The following KIN variants were observed in gnomAD, a reference collection of about 807,000 sequenced individuals.
KIN encodes DNA/RNA-binding protein KIN17.
Under a neutral mutation model 63.0 loss-of-function variants are expected in KIN, and 47 were observed. The observed-to-expected ratio is 0.75, with a 90% confidence interval of 0.59 to 0.95. KIN has a LOEUF of 0.95. Ranked by LOEUF, KIN falls within the 40% of genes least tolerant of loss-of-function variation. The pLI, the probability that KIN is intolerant of heterozygous loss-of-function variation, is 0.00. For missense variants in KIN, 408 were observed against 460.9 expected, an observed-to-expected ratio of 0.89 and a Z score of 1.05; for synonymous variants, 160 against 157.7, an observed-to-expected ratio of 1.01 and a Z score of -0.11.
intron 9 of KIN, 21 bp from the exon 10 acceptor site, chr10:7,763,812 A>C: frequency 8.8e-7 from 1 of 1,134,260 alleles, no homozygotes; most frequent in Non-Finnish European, 1.3e-6. Context: ...ATAACAAAAA[A>C]AATGAAAGGA....
At chr10:7,774,328 G>C (rs549480252) in intron 7 of KIN, among the ~76,000 whole-genome samples, 47 of 152,212 alleles carry the variant, frequency 3.1e-4, no homozygotes, top group African/African-American at 1.1e-3. Flanking sequence ...GCAAGTAAAA[G>C]AAAAATGCAG....
At chr10:7,760,046 T>A in intron 11 of KIN, 56 bp from the exon 12 acceptor site, 2 of 855,476 alleles carry the variant, frequency 2.3e-6, no homozygotes, top group South Asian at 1.6e-5. Flanking sequence ...ACTTTTCTTC[T>A]AACTTGTTAC....
chr10:7,771,552 T>C (rs1208135128), intron 7 of KIN, among the ~76,000 whole-genome samples: 1 of 152,210 alleles, frequency 6.6e-6, no homozygotes, highest in Non-Finnish European at 1.5e-5. Flanking sequence ...GGTATTAATC[T>C]CAGCTTAGAC....
rs566249911 is a variant in KIN, at chr10:7,780,351, C to T, written c.210-44G>A. 4.1e-6 allele frequency: 6 copies of T among 1,455,398 alleles called. No individual in the cohort carries two copies. In the South Asian group the frequency reaches 7.4e-5, roughly 18 times the overall value. The allele number at this position is 1,455,398 out of a possible 1,614,324, so 90.2% of individuals were successfully genotyped here. On this transcript the variant is annotated intron_variant, in intron 2 of 12. Transcript: ENST00000379562. ...AAAGCATTAAGGTAATTTCTACAAA[C>T]ATATAGCATCATCTTTTTGAAATTT...
At chr10:7,763,141 A>T (rs763740128) in intron 10 of KIN, among the ~76,000 whole-genome samples, 3 of 152,154 alleles carry the variant, frequency 2.0e-5, no homozygotes, top group Non-Finnish European at 2.9e-5. Flanking sequence ...CTGTAATCCC[A>T]GCTACTCGGG....
At chr10:7,765,752 C>T (rs1299640488) in intron 9 of KIN, among the ~76,000 whole-genome samples, 1 of 152,164 alleles carries the variant, frequency 6.6e-6, no homozygotes, top group Non-Finnish European at 1.5e-5. Context: ...TTTCTGAAAA[C>T]ATAACCTCTT....
At chr10:7,759,826 A>T (rs1835403364) in intron 12 of KIN, 64 bp downstream of exon 12, 2 of 833,378 alleles carry the variant, frequency 2.4e-6, no homozygotes, top group Non-Finnish European at 4.0e-6. Context: ...CAATCCAATT[A>T]AAAAAAACTA....
intron 1 of KIN, among the ~76,000 whole-genome samples, chr10:7,787,536 G>A (rs1055089056): frequency 3.3e-5 from 5 of 152,192 alleles, no homozygotes; most frequent in African/African-American, 1.2e-4. Flanking sequence ...CCCCGCCCCT[G>A]TGAGGGGTGC....
At chr10:7,769,721 G>A (rs1475964727) in intron 7 of KIN, among the ~76,000 whole-genome samples, 1 of 152,154 alleles carries the variant, frequency 6.6e-6, no homozygotes, top group East Asian at 1.9e-4. Flanking sequence ...AGGACTTGGA[G>A]TAGTTCACTT....
chr10:7,775,005 C>T (rs1011565343), intron 6 of KIN, 114 bp from the exon 7 acceptor site: 4 of 754,070 alleles, frequency 5.3e-6, no homozygotes, highest in African/African-American at 3.5e-5. Flanking sequence ...TTTCAATAAA[C>T]GAGAGCTAAA....
chr10:7,769,292 C>A lies in KIN; in HGVS notation c.722G>T (p.Arg241Leu). The change falls in exon 8 of 13, where the codon CGA becomes CTA. Residue 241 changes from arginine (R) to leucine (L), a missense_variant. Arg to Leu is a moderately radical substitution (Grantham distance 102). Transcript: ENST00000379562. The part of the protein sequence containing the change: ...KTIGSSASVK[R>L]KESSQSSTQS... ...AGTTGAGCTCTGGGAAGATTCTTTTCGTTTCACTGATGCTGAACTTCCTAT... is the reference window on the plus strand; with the variant it reads ...AGTTGAGCTCTGGGAAGATTCTTTTAGTTTCACTGATGCTGAACTTCCTAT... 6.2e-7 allele frequency: 1 copy of A among 1,613,710 alleles called. No homozygotes were observed. Among genetic ancestry groups the A allele is most frequent in the Non-Finnish European group, 8.5e-7 (1 of 1,179,756 alleles).
chr10:7,753,656 TA>T lies in KIN; in HGVS notation c.*2423del. ...TAAAAACATTGCAATTCAAGAACAT[TA>T]ACATTCTAATATTACAAAGCCAATG... On this transcript the variant is annotated 3_prime_UTR_variant, in exon 13 of 13. Transcript: ENST00000379562. 6.4e-6 allele frequency: 1 copy of T among 156,460 alleles called. No individual in the cohort carries two copies. Among genetic ancestry groups the T allele is most frequent in the East Asian group, 1.9e-4 (1 of 5,266 alleles). 9.7% of individuals were successfully genotyped at this position (156,460 alleles called of 1,614,324 possible).
intron 2 of KIN, among the ~76,000 whole-genome samples, chr10:7,782,840 T>A (rs1213288053): frequency 6.6e-6 from 1 of 152,288 alleles, no homozygotes; most frequent in East Asian, 1.9e-4. Flanking sequence ...ACAATTGTAT[T>A]AGAATGAAAG....
chr10:7,759,980 A>C lies in KIN; in HGVS notation c.1029T>G (p.Ile343Met). 6.8e-7 allele frequency: 1 copy of C among 1,473,238 alleles called. No individual in the cohort carries two copies. Among genetic ancestry groups the C allele is most frequent in the Non-Finnish European group, 9.2e-7 (1 of 1,090,116 alleles). The allele number at this position is 1,473,238 out of a possible 1,614,324, so 91.3% of individuals were successfully genotyped here. The change falls in exon 12 of 13, where the codon ATT becomes ATG. Residue 343 changes from isoleucine (I) to methionine (M), a missense_variant. Transcript: ENST00000379562. The stretch of plus-strand genomic sequence containing the variant: ...CTCTGTAGCCTCCATTTAAAACTAG[A>C]ATTCTTTTTCCTATGATGGAAAAGA... ...ETVIPAPGKR[I>M]LVLNGGYRGN... is the part of the protein sequence containing the mutation.
rs774684994 is a variant in KIN, at chr10:7,787,962, A to T, written c.-29T>A. The T allele has an allele frequency of 6.5e-7, 1 of 1,537,622 alleles. No individual in the cohort carries two copies. On this transcript the variant is annotated 5_prime_UTR_variant, in exon 1 of 13. Transcript: ENST00000379562. The stretch of plus-strand genomic sequence containing the variant: ...GACCACGGCAGCGATCACTTTCTGG[A>T]CCCCAGTACTCAGCCAGCCGGAAAC...
At chr10:7,787,296 A>C (rs1836039795) in intron 1 of KIN, among the ~76,000 whole-genome samples, 1 of 152,244 alleles carries the variant, frequency 6.6e-6, no homozygotes, top group South Asian at 2.1e-4. Context: ...TGATATATCC[A>C]TAAACCAGAT....
intron 1 of KIN, among the ~76,000 whole-genome samples, chr10:7,786,221 A>T (rs1281861055): frequency 6.6e-6 from 1 of 152,200 alleles, no homozygotes; most frequent in Non-Finnish European, 1.5e-5. Context: ...GAGCAGTTGG[A>T]GGACAACTGA....
chr10:7,776,146 C>T (rs993335469), intron 5 of KIN, among the ~76,000 whole-genome samples: 12 of 148,508 alleles, frequency 8.1e-5, no homozygotes, highest in Non-Finnish European at 1.2e-4. Flanking sequence ...AGGAGAATCA[C>T]GTGAACCCGG....
Position 7,773,776 on chromosome 10 carries a change from T to C in KIN, c.668+1055A>G, listed in dbSNP as rs182942644. 1.8e-4 allele frequency among the ~76,000 whole-genome samples: 28 copies of C among 152,272 alleles called. No homozygotes were observed. In the East Asian group the frequency reaches 5.2e-3, roughly 28 times the overall value. On this transcript the variant is annotated intron_variant, in intron 7 of 12. Coordinates refer to ENST00000379562, the MANE Select transcript of KIN (RefSeq NM_012311.4). ...AAAGTACTAAGTAAAATAGAAAATATCATCTGGCTTAAAAGCAAATTCCAG... is the reference window on the plus strand; with the variant it reads ...AAAGTACTAAGTAAAATAGAAAATACCATCTGGCTTAAAAGCAAATTCCAG...
Sources: gnomAD v4.1 joint callset for allele counts (sites outside exome capture counted in the v4.1 genomes callset) on GRCh38, gnomAD v4.1.1 for gene constraint, MANE v1.5 for transcripts, NCBI Gene and HGNC (gene_info 2026-07-23, HGNC 2026-07-21) for gene names.